The following TRIM49B variants were observed in gnomAD, a reference collection of about 807,000 sequenced individuals.
TRIM49B encodes the protein putative tripartite motif-containing protein 49B.
In TRIM49B, 18 loss-of-function variants were observed where a neutral mutation model predicts 31.8. That is an observed-to-expected ratio of 0.57 (90% CI 0.39 to 0.84). The LOEUF (loss-of-function observed/expected upper bound fraction) is 0.84. Among genes scored for constraint, TRIM49B ranks in the 40% least tolerant of loss-of-function variants. The pLI, the probability that TRIM49B is intolerant of heterozygous loss-of-function variation, is 0.00. For synonymous variants in TRIM49B, 196 were observed against 180.6 expected (o/e 1.09, Z -0.68); for missense variants, 494 against 538.7 (o/e 0.92, Z 0.82).
chr11:49,029,256 G>A (rs1426576226), intron 1 of TRIM49B, among the ~76,000 whole-genome samples: 1 of 152,170 alleles, frequency 6.6e-6, no homozygotes, highest in Non-Finnish European at 1.5e-5. Context: ...ACATAGGTGT[G>A]TGTGTATATG....
chr11:49,037,661 G>A lies in TRIM49B; in HGVS notation c.1043G>A (p.Gly348Glu). The change falls in exon 7 of 7, where the codon GGG becomes GAG. Residue 348 changes from glycine (G) to glutamate (E), a missense_variant. Transcript: ENST00000332682. ...SGKYYWEVHVGDSWNWAFGVC... is the reference protein window; with the variant it reads ...SGKYYWEVHVEDSWNWAFGVC... ...AAATATTACTGGGAGGTCCATGTAG[G>A]GGACTCCTGGAATTGGGCTTTTGGT... The A allele has an allele frequency of 6.2e-7, 1 of 1,613,902 alleles. No homozygotes were observed. The highest frequency in any genetic ancestry group is 1.1e-5 in the South Asian group (1 of 91,062).
chr11:49,035,859 T>A (rs185066030), intron 5 of TRIM49B, among the ~76,000 whole-genome samples: 2 of 151,760 alleles, frequency 1.3e-5, no homozygotes, highest in African/African-American at 4.8e-5. Flanking sequence ...AAAACTGGAG[T>A]GTTAGAACTG....
At position 49,037,741 on chromosome 11, in the gene TRIM49B, G is replaced by A. The variant is rs1184123314; in HGVS notation, c.1123G>A (p.Asp375Asn). ...TCAGAATGAGAAGATAGATGGAGAG[G>A]ATGGACTCTTTCTTCTTGGGTGTGT... ...KNQNEKIDGE[D>N]GLFLLGCVKN... is the part of the protein sequence containing the mutation. The change falls in exon 7 of 7, where the codon GAT (aspartate) becomes AAT (asparagine). Residue 375 changes from aspartate to asparagine, a missense_variant. By Grantham distance (23) the Asp-to-Asn change is conservative. Around this residue, in one of 3 missense-constraint regions of TRIM49B, gnomAD observed 233 missense variants for 281.4 expected, o/e 0.83. Transcript: ENST00000332682. 1 of 1,613,802 alleles carries A rather than the reference G, an allele frequency of 6.2e-7. No individual in the cohort carries two copies. The highest frequency in any genetic ancestry group is 1.3e-5 in the African/African-American group (1 of 74,882).
rs1590634346 is a variant in TRIM49B at position 49,032,062 on chromosome 11, G to T, written c.411+52G>T. The T allele has an allele frequency of 5.0e-6, 8 of 1,611,208 alleles. No individual in the cohort carries two copies. In the East Asian group the frequency reaches 1.1e-4, roughly 22 times the overall value. On this transcript the variant is annotated intron_variant, in intron 2 of 6. Transcript: ENST00000332682. ...TCTGTAAAGGATACATAAAATTCCT[G>T]TGGGTCTATTTTCTTGGAGATTGGA...
At chr11:49,035,305 G>GTT (rs999996818) in intron 5 of TRIM49B, among the ~76,000 whole-genome samples, 188 bp downstream of exon 5, 2 of 129,576 alleles carry the variant, frequency 1.5e-5, no homozygotes, top group African/African-American at 5.9e-5. Flanking sequence ...ATGAATAAAA[G>GTT]AAGAGTGAAC....
chr11:49,033,222 T>C (rs1459099806), intron 3 of TRIM49B, among the ~76,000 whole-genome samples: 2 of 152,090 alleles, frequency 1.3e-5, no homozygotes, highest in Non-Finnish European at 2.9e-5. Flanking sequence ...ATGCAATACA[T>C]GATGTATTTG....
At chr11:49,035,284 G>A (rs1413890324) in intron 5 of TRIM49B, among the ~76,000 whole-genome samples, 167 bp downstream of exon 5, 1 of 138,918 alleles carries the variant, frequency 7.2e-6, no homozygotes, top group Non-Finnish European at 1.5e-5. Context: ...ACAAGGCCAC[G>A]AAGTAAATAA....
At position 49,032,473 on chromosome 11, in the gene TRIM49B, C is replaced by T. The variant is rs558347795; in HGVS notation, c.507+102C>T. The stretch of plus-strand genomic sequence containing the variant: ...ATCAAACTGTAATGTTTCTGGGATT[C>T]AGTAAAAAAAAAAGAAAAAAAAAGC... On this transcript the variant is annotated intron_variant, in intron 3 of 6. Transcript: ENST00000332682. 17 of 1,443,854 alleles carry T rather than the reference C, an allele frequency of 1.2e-5. No homozygotes were observed. In the South Asian group the frequency reaches 2.0e-4, roughly 17 times the overall value. The allele number at this position is 1,443,854 out of a possible 1,614,324, so 89.4% of individuals were successfully genotyped here.
intron 6 of TRIM49B, among the ~76,000 whole-genome samples, chr11:49,036,767 T>C (rs771213107): frequency 9.2e-5 from 14 of 152,282 alleles, no homozygotes; most frequent in Non-Finnish European, 1.3e-4. Flanking sequence ...CTAAGAACTG[T>C]TCTTTGGGGG....
chr11:49,031,313 A>G (rs1462146605), intron 1 of TRIM49B, among the ~76,000 whole-genome samples: 1 of 152,210 alleles, frequency 6.6e-6, no homozygotes, highest in African/African-American at 2.4e-5. Context: ...CCCAATTTCC[A>G]GATCTACGTT....
In TRIM49B at chr11:49,034,389, C is replaced by A. The variant is rs763049074; in HGVS notation, c.738+13C>A. The stretch of plus-strand genomic sequence containing the variant: ...GGAGCTACTTCAGGTACAAACTCGC[C>A]ATGTGGTTTCAGGTTTTTGAATATT... On this transcript the variant is annotated intron_variant, in intron 4 of 6. Coordinates refer to ENST00000332682, the MANE Select transcript of TRIM49B (RefSeq NM_001206626.2). The A allele has an allele frequency of 2.5e-6, 4 of 1,611,912 alleles. No homozygotes were observed. Among genetic ancestry groups the A allele is most frequent in the Non-Finnish European group, 1.7e-6 (2 of 1,179,812 alleles).
At chr11:49,035,845 GA>G (rs906920863) in intron 5 of TRIM49B, among the ~76,000 whole-genome samples, 3 of 151,966 alleles carry the variant, frequency 2.0e-5, no homozygotes, top group Non-Finnish European at 4.4e-5. Context: ...AAAATAGATC[GA>G]AAAAAACTGG....
intron 6 of TRIM49B, among the ~76,000 whole-genome samples, chr11:49,036,864 G>A (rs1016041135): frequency 7.9e-5 from 12 of 151,800 alleles, no homozygotes; most frequent in African/African-American, 2.2e-4. Context: ...TGAATTAATA[G>A]GTAAAGCTAA....
rs780468948 is a variant in TRIM49B at position 49,034,253 on chromosome 11, G to A, written c.615G>A (p.Gly205=). The change falls in exon 4 of 7, where the codon GGG becomes GGA. Residue 205 remains glycine, a synonymous_variant. Transcript: ENST00000332682. ...KHNLEMLKKK[G]KDIFHRLHLS... is the part of the protein sequence containing the mutation. ...ATTTGGAGATGCTGAAAAAGAAGGG[G>A]AAAGATATTTTTCATCGACTTCATT... is the stretch of plus-strand genomic sequence containing the variant. 17 of 1,611,826 alleles carry A rather than the reference G, an allele frequency of 1.1e-5. No individual in the cohort carries two copies. The African/African-American group carries it at 2.1e-4, about 20-fold the overall frequency.
rs780838042 is a variant in TRIM49B at position 49,037,843 on chromosome 11, G to A, written c.1225G>A (p.Val409Ile). ...ATATATCCCAAGACCTACCAGCCGA[G>A]TAGGATTATTCCTGGATTGTGAGGC... ...LQYIPRPTSR[V>I]GLFLDCEAKT... Residue 409 changes from valine (V) to isoleucine (I), a missense_variant, in exon 7 of 7, where the codon GTA (valine) becomes ATA (isoleucine). Around this residue, in one of 3 missense-constraint regions of TRIM49B, gnomAD observed 233 missense variants for 281.4 expected, o/e 0.83. Coordinates refer to ENST00000332682, the MANE Select transcript of TRIM49B (RefSeq NM_001206626.2). 2.5e-6 allele frequency: 4 copies of A among 1,613,898 alleles called. No individual in the cohort carries two copies. Among genetic ancestry groups the A allele is most frequent in the African/African-American group, 2.7e-5 (2 of 75,018 alleles).
chr11:49,031,445 A>C (rs1407839699), intron 1 of TRIM49B, among the ~76,000 whole-genome samples, 151 bp from the exon 2 acceptor site: 1 of 152,204 alleles, frequency 6.6e-6, no homozygotes, highest in Non-Finnish European at 1.5e-5. Context: ...CTCTATGTGT[A>C]AATTTTTAAG....
rs1162056301 is a variant in TRIM49B, at chr11:49,035,339, A to ATTTTTTTT, written c.761+253_761+260dup. Among the ~76,000 whole-genome samples the ATTTTTTTT allele has an allele frequency of 5.9e-3, 336 of 56,810 alleles. 58 individuals carry two copies. The highest frequency in any genetic ancestry group is 6.8e-3 in the Non-Finnish European group (223 of 32,876). 37.3% of individuals were successfully genotyped at this position (56,810 alleles called of 152,430 possible). On this transcript the variant is annotated intron_variant, in intron 5 of 6. Transcript: ENST00000332682. ...ACTAAAACAAACAATTTGATTCCTGATTTTTTTTTTTTTTTTTTTTTTTTT... is the reference window on the plus strand; with the variant it reads ...ACTAAAACAAACAATTTGATTCCTGATTTTTTTTTTTTTTTTTTTTTTTTTTTTTTTTT...
rs1366914671 is a variant in TRIM49B at position 49,037,734 on chromosome 11, T to C, written c.1116T>C (p.Asp372=). 3.1e-6 allele frequency: 5 copies of C among 1,613,830 alleles called. No individual in the cohort carries two copies. Among genetic ancestry groups the C allele is most frequent in the African/African-American group, 1.3e-5 (1 of 74,892 alleles). The change falls in exon 7 of 7, where the codon GAT becomes GAC. Residue 372 remains aspartate (D), a synonymous_variant. Transcript: ENST00000332682. ...AGAAGAATCAGAATGAGAAGATAGA[T>C]GGAGAGGATGGACTCTTTCTTCTTG... is the stretch of plus-strand genomic sequence containing the variant. The part of the protein sequence containing the change: ...WKEKNQNEKI[D]GEDGLFLLGC...
chr11:49,029,875 C>T (rs1443019853), intron 1 of TRIM49B, among the ~76,000 whole-genome samples: 1 of 152,092 alleles, frequency 6.6e-6, no homozygotes, highest in Non-Finnish European at 1.5e-5. Flanking sequence ...TGTTTAGATA[C>T]ACAAATAGTT....
Sources: gnomAD v4.1 joint callset for allele counts (sites outside exome capture counted in the v4.1 genomes callset) on GRCh38, gnomAD v4.1.1 for gene constraint, gnomAD v4.1.1 regional missense constraint, MANE v1.5 for transcripts, NCBI Gene and HGNC (gene_info 2026-07-23, HGNC 2026-07-21) for gene names.